Variants in MAPK4 observed in about 807,000 individuals in gnomAD.
MAPK4 encodes the protein mitogen-activated protein kinase 4.
A neutral mutation model predicts 47.7 loss-of-function variants in MAPK4; 22 were observed. The observed-to-expected ratio is 0.46, with a 90% confidence interval of 0.33 to 0.66. The LOEUF is 0.66. Among genes scored for constraint, MAPK4 ranks in the 30% least tolerant of loss-of-function variants. The pLI, the probability that MAPK4 is intolerant of heterozygous loss-of-function variation, is 0.02. For missense variants in MAPK4, 736 were observed against 831.7 expected (o/e 0.88, Z 1.42); for synonymous variants, 390 against 365.7 (o/e 1.07, Z -0.76).
At chr18:50,670,618 G>T (rs1183238146) in intron 2 of MAPK4, among the ~76,000 whole-genome samples, 1 of 152,062 alleles carries the variant, frequency 6.6e-6, no homozygotes, top group African/African-American at 2.4e-5. Flanking sequence ...TTAGCCAGGC[G>T]TGGTGGTGTG....
At chr18:50,635,237 G>A (rs940755929) in intron 1 of MAPK4, among the ~76,000 whole-genome samples, 7 of 152,002 alleles carry the variant, frequency 4.6e-5, no homozygotes, top group African/African-American at 7.3e-5. Context: ...CCCAGAGCCC[G>A]TCTCTCTTCC....
chr18:50,661,820 T>C (rs778340337), intron 1 of MAPK4, among the ~76,000 whole-genome samples: 2 of 152,218 alleles, frequency 1.3e-5, no homozygotes, highest in Non-Finnish European at 2.9e-5. Flanking sequence ...AGTAAAAACA[T>C]GCAGAACAGA....
In MAPK4 at chr18:50,729,791, G is replaced by T. The variant is rs928412490; in HGVS notation, c.1701G>T (p.Ala567=). The T allele has an allele frequency of 1.2e-6, 2 of 1,612,262 alleles. No homozygotes were observed. Among genetic ancestry groups the T allele is most frequent in the African/African-American group, 1.3e-5 (1 of 74,932 alleles). ...ATAAACTGGGCGACCTCAATGGTGC[G>T]TGCATCCCCGAGCACCCTGGCGACC... The part of the protein sequence containing the change: ...PDNKLGDLNG[A]CIPEHPGDLV... The change falls in exon 6 of 6, where the codon GCG becomes GCT. Residue 567 remains alanine (A), a synonymous_variant. Transcript: ENST00000400384.
At chr18:50,653,896 G>A (rs544696022) in intron 1 of MAPK4, among the ~76,000 whole-genome samples, 19 of 152,308 alleles carry the variant, frequency 1.2e-4, no homozygotes, top group East Asian at 7.7e-4. Context: ...CAATGGGAGC[G>A]TGAGGTCAGA....
chr18:50,692,056 C>T (rs1330528448), intron 2 of MAPK4, among the ~76,000 whole-genome samples: 1 of 152,220 alleles, frequency 6.6e-6, no homozygotes, highest in Non-Finnish European at 1.5e-5. Context: ...CTCAGGGTCA[C>T]ATAGCTTAGA....
At chr18:50,638,786 C>G (rs6508021) in intron 1 of MAPK4, among the ~76,000 whole-genome samples, 148,874 of 152,336 alleles carry the variant, frequency 0.98, 72,754 homozygotes, top group Middle Eastern at 1. Context: ...TGTTGACGGA[C>G]TGGCTGCTCC....
intron 2 of MAPK4, among the ~76,000 whole-genome samples, chr18:50,672,544 G>A (rs1228852057): frequency 1.3e-5 from 2 of 152,066 alleles, no homozygotes; most frequent in Non-Finnish European, 2.9e-5. Flanking sequence ...AGAGGATCCC[G>A]AGAAGAGGCT....
chr18:50,596,693 C>T (rs1015183658), intron 1 of MAPK4, among the ~76,000 whole-genome samples: 6 of 152,160 alleles, frequency 3.9e-5, no homozygotes, highest in African/African-American at 1.4e-4. Context: ...GGTATAATGT[C>T]AGATAAGGGA....
chr18:50,654,002 C>T (rs1220593071), intron 1 of MAPK4, among the ~76,000 whole-genome samples: 1 of 152,214 alleles, frequency 6.6e-6, no homozygotes, highest in Admixed American at 6.5e-5. Context: ...GACTTTGATT[C>T]TCCTGGCTCA....
At chr18:50,627,066 T>G in intron 1 of MAPK4, among the ~76,000 whole-genome samples, 1 of 114,206 alleles carries the variant, frequency 8.8e-6, no homozygotes. Context: ...CGCCCACTCA[T>G]CTTGGCCACA....
chr18:50,623,125 G>T (rs1299240005), intron 1 of MAPK4, among the ~76,000 whole-genome samples: 1 of 152,200 alleles, frequency 6.6e-6, no homozygotes, highest in Non-Finnish European at 1.5e-5. Flanking sequence ...TTGTCAGGCT[G>T]TAAGAGAGCT....
intron 1 of MAPK4, among the ~76,000 whole-genome samples, chr18:50,658,206 CA>C (rs1233848852): frequency 1.3e-5 from 2 of 152,186 alleles, no homozygotes; most frequent in Admixed American, 1.3e-4. Context: ...CTGGGTTGAA[CA>C]AAGGCTGAAA....
upstream of MAPK4, among the ~76,000 whole-genome samples, chr18:50,559,654 G>C (rs1401935409): frequency 6.7e-6 from 1 of 149,968 alleles, no homozygotes; most frequent in Non-Finnish European, 1.5e-5. Flanking sequence ...AGCCGCGCGG[G>C]GCTGGCGGGG....
rs56329210 is a variant in MAPK4, at chr18:50,729,527, G to C, written c.1437G>C (p.Thr479=). The change falls in exon 6 of 6, where the codon ACG becomes ACC. Residue 479 remains threonine (T), a synonymous_variant. Coordinates refer to ENST00000400384, the MANE Select transcript of MAPK4 (RefSeq NM_002747.4). ...APPTATGLAD[T]GAREDEPASL... ...CCACGGCCACGGGGCTGGCGGACAC[G>C]GGGGCGCGCGAGGACGAGCCGGCCA... 78 of 1,434,700 alleles carry C rather than the reference G, an allele frequency of 5.4e-5. No individual in the cohort carries two copies. The highest frequency in any genetic ancestry group is 7.1e-5 in the Non-Finnish European group (78 of 1,094,416). The allele number at this position is 1,434,700 out of a possible 1,614,324, so 88.9% of individuals were successfully genotyped here. A position where few individuals can be genotyped will look rare whatever the true frequency, so the allele number is the denominator to read the frequency against.
At chr18:50,715,526 C>T (rs1910594034) in intron 3 of MAPK4, among the ~76,000 whole-genome samples, 1 of 152,154 alleles carries the variant, frequency 6.6e-6, no homozygotes, top group Non-Finnish European at 1.5e-5. Context: ...CAAGGTGATG[C>T]TATTAGGAGG....
chr18:50,627,318 A>T (rs2042787714), intron 1 of MAPK4, among the ~76,000 whole-genome samples: 1 of 152,182 alleles, frequency 6.6e-6, no homozygotes, highest in Non-Finnish European at 1.5e-5. Context: ...CTCAGGGGGA[A>T]GGTTCTGAAA....
chr18:50,602,435 C>T (rs79453513), intron 1 of MAPK4, among the ~76,000 whole-genome samples: 2 of 152,308 alleles, frequency 1.3e-5, no homozygotes, highest in Non-Finnish European at 2.9e-5. Context: ...CTATCTTTGT[C>T]TATCAGAATG....
chr18:50,729,790 C>T lies in MAPK4; in HGVS notation c.1700C>T (p.Ala567Val), dbSNP rs767633456. 69 of 1,612,230 alleles carry T rather than the reference C, an allele frequency of 4.3e-5. No individual in the cohort carries two copies. Among genetic ancestry groups the T allele is most frequent in the Middle Eastern group, 3.3e-4 (2 of 6,082 alleles). ...AATAAACTGGGCGACCTCAATGGTG[C>T]GTGCATCCCCGAGCACCCTGGCGAC... ...PDNKLGDLNG[A>V]CIPEHPGDLV... The change falls in exon 6 of 6, where the codon GCG becomes GTG. Residue 567 changes from alanine (A) to valine (V), a missense_variant. Transcript: ENST00000400384.
chr18:50,661,501 T>G (rs1020685149), intron 1 of MAPK4, among the ~76,000 whole-genome samples: 2 of 152,198 alleles, frequency 1.3e-5, no homozygotes, highest in Admixed American at 6.5e-5. Context: ...CTCCAAGCCT[T>G]GGTATCCTCA....
Sources: gnomAD v4.1 joint callset for allele counts (sites outside exome capture counted in the v4.1 genomes callset) on GRCh38, gnomAD v4.1.1 for gene constraint, MANE v1.5 for transcripts, NCBI Gene and HGNC (gene_info 2026-07-23, HGNC 2026-07-21) for gene names.